The following OXNAD1 variants were observed in gnomAD, a reference collection of about 807,000 sequenced individuals.
OXNAD1 encodes the protein oxidoreductase NAD-binding domain-containing protein 1.
In OXNAD1, 34 loss-of-function variants were observed where a neutral mutation model predicts 32.9. The observed-to-expected ratio is 1.03, with a 90% CI of 0.79 to 1.38. The LOEUF is 1.38. Ranked by LOEUF, OXNAD1 falls within the 40% of genes most tolerant of loss-of-function variation. The pLI is 0.00. For synonymous variants in OXNAD1, 134 were observed against 135.2 expected, an observed-to-expected ratio of 0.99 and a Z score of 0.06; for missense variants, 407 against 379.4, an observed-to-expected ratio of 1.07 and a Z score of -0.60.
rs1028585658 is a variant in OXNAD1, at chr3:16,335,467, T to C, written c.*31-1645T>C. Among the ~76,000 whole-genome samples the C allele has an allele frequency of 6.6e-6, 1 of 152,238 alleles. No individual in the cohort carries two copies. Among genetic ancestry groups the C allele is most frequent in the African/African-American group, 2.4e-5 (1 of 41,462 alleles). ...ACGAATCACGTCCTTTGTGGGGACATGGATGGAGCTGGAAGCTGTTATCCT... is the reference window on the plus strand; with the variant it reads ...ACGAATCACGTCCTTTGTGGGGACACGGATGGAGCTGGAAGCTGTTATCCT... On this transcript the variant is annotated intron_variant, in intron 9 of 9. Coordinates refer to the OXNAD1 transcript ENST00000435829. The surrounding 1 kb of genome is among the most constrained non-coding windows in gnomAD (Gnocchi z 4.7).
At chr3:16,294,748 A>G in intron 5 of OXNAD1, 108 bp from the exon 6 acceptor site, 1 of 1,076,672 alleles carries the variant, frequency 9.3e-7, no homozygotes, top group South Asian at 1.9e-5. Context: ...TTTATTCTTG[A>G]TTTTAGTAAT....
chr3:16,276,692 A>G (rs1480018998), intron 4 of OXNAD1: 1 of 152,382 alleles, frequency 6.6e-6, no homozygotes, highest in Non-Finnish European at 1.5e-5. Flanking sequence ...GGGCCAGCAA[A>G]AGGTGCAAGG....
At chr3:16,278,244 C>T (rs2065487240) in intron 4 of OXNAD1, among the ~76,000 whole-genome samples, 1 of 152,192 alleles carries the variant, frequency 6.6e-6, no homozygotes, top group African/African-American at 2.4e-5. Flanking sequence ...AGACTTTATG[C>T]ACCTAATTGA....
intron 4 of OXNAD1, chr3:16,275,173 C>T (rs953150207): frequency 1.2e-5 from 2 of 171,318 alleles, no homozygotes; most frequent in African/African-American, 4.7e-5. Context: ...CTTCAGTCTA[C>T]CTATAGTTTG....
intron 9 of OXNAD1, among the ~76,000 whole-genome samples, chr3:16,325,889 G>T (rs1401247368): frequency 6.6e-6 from 1 of 152,182 alleles, no homozygotes; most frequent in African/African-American, 2.4e-5. Flanking sequence ...AGTAGGGCTT[G>T]GGGAAGGTGG....
In OXNAD1 at chr3:16,317,222, C is replaced by T. The variant is rs142008016; in HGVS notation, c.*30+13630C>T. 24 of 1,612,140 alleles carry T rather than the reference C, an allele frequency of 1.5e-5. No homozygotes were observed. Among genetic ancestry groups the T allele is most frequent in the Non-Finnish European group, 1.7e-5 (20 of 1,179,958 alleles). The stretch of plus-strand genomic sequence containing the variant: ...GTTGTGCATTTCTTCTCTGGAGAAT[C>T]GCCACTGAAACTAGAAATCAGAAAG... On this transcript the variant is annotated intron_variant, in intron 9 of 9. Coordinates refer to the OXNAD1 transcript ENST00000435829. The surrounding 1 kb of genome is among the most constrained non-coding windows in gnomAD (Gnocchi z 4.3).
Position 16,348,561 on chromosome 3 carries a change from G to A in OXNAD1, c.*31-615G>A, listed in dbSNP as rs929014881. 2.0e-5 allele frequency among the ~76,000 whole-genome samples: 3 copies of A among 152,014 alleles called. No homozygotes were observed. The highest frequency in any genetic ancestry group is 7.2e-5 in the African/African-American group (3 of 41,380). On this transcript the variant is annotated intron_variant, in intron 9 of 9. Transcript: ENST00000606098. The surrounding 1 kb of genome is among the most constrained non-coding windows in gnomAD (Gnocchi z 6.3). ...CTCCCAGGGCACTTCTGGTCAGCAG[G>A]GCACAATTAGCCTTGAATGCCTTCC...
intron 5 of OXNAD1, among the ~76,000 whole-genome samples, chr3:16,292,261 G>A (rs1253692731): frequency 1.3e-5 from 2 of 149,234 alleles, no homozygotes; most frequent in South Asian, 2.1e-4. Flanking sequence ...GCACGATCTC[G>A]ATTCAGTGCT....
At chr3:16,300,795 C>G (rs1470776556) in intron 6 of OXNAD1, among the ~76,000 whole-genome samples, 1 of 152,216 alleles carries the variant, frequency 6.6e-6, no homozygotes, top group Non-Finnish European at 1.5e-5. Context: ...GGAGCCAGCT[C>G]TGGGAAACCA....
chr3:16,331,152 A>G (rs1177610185), intron 9 of OXNAD1, among the ~76,000 whole-genome samples: 1 of 152,224 alleles, frequency 6.6e-6, no homozygotes, highest in Non-Finnish European at 1.5e-5. Context: ...CACAGGACTG[A>G]GACCTTGCCT....
intron 1 of OXNAD1, among the ~76,000 whole-genome samples, chr3:16,266,221 G>A (rs527962328): frequency 6.6e-6 from 1 of 152,140 alleles, no homozygotes; most frequent in East Asian, 1.9e-4. Context: ...TAGATGTAAT[G>A]TTCCACTTTT....
In OXNAD1 at chr3:16,316,780, G is replaced by A; in HGVS notation, c.*30+13188G>A. 1 of 1,608,774 alleles carries A rather than the reference G, an allele frequency of 6.2e-7. No homozygotes were observed. Among genetic ancestry groups the A allele is most frequent in the Non-Finnish European group, 8.5e-7 (1 of 1,176,744 alleles). ...CCCCCAAACCAGCTGTTGGTAAGATGCCTTGGGTTTGGCAACTCACCTAGT... is the reference window on the plus strand; with the variant it reads ...CCCCCAAACCAGCTGTTGGTAAGATACCTTGGGTTTGGCAACTCACCTAGT... On this transcript the variant is annotated intron_variant, in intron 9 of 9. Coordinates refer to the OXNAD1 transcript ENST00000435829. This position sits in a 1 kb window ranked among gnomAD's most constrained non-coding sequence, Gnocchi z 4.5.
rs957600727 is a variant in OXNAD1, at chr3:16,284,900, C to T, written c.184-1442C>T. ...TTTGTTGCTGAATTGCTTTGAATTG[C>T]AAATGGCATTAGATGTAATCTTTGA... is the stretch of plus-strand genomic sequence containing the variant. On this transcript the variant is annotated intron_variant, in intron 4 of 8. Transcript: ENST00000285083. This position sits in a 1 kb window ranked among gnomAD's most constrained non-coding sequence, Gnocchi z 4.1. Among the ~76,000 whole-genome samples, 6 of 152,150 alleles carry T rather than the reference C, an allele frequency of 3.9e-5. No individual in the cohort carries two copies. The highest frequency in any genetic ancestry group is 7.3e-5 in the Non-Finnish European group (5 of 68,028).
In OXNAD1 at chr3:16,344,239, C is replaced by T. The variant is rs1369068359; in HGVS notation, c.*31-4937C>T. 6.6e-6 allele frequency among the ~76,000 whole-genome samples: 1 copy of T among 151,952 alleles called. No homozygotes were observed. Among genetic ancestry groups the T allele is most frequent in the Non-Finnish European group, 1.5e-5 (1 of 68,010 alleles). On this transcript the variant is annotated intron_variant, in intron 9 of 9. Coordinates refer to the OXNAD1 transcript ENST00000606098. This position sits in a 1 kb window ranked among gnomAD's most constrained non-coding sequence, Gnocchi z 4.4. ...ATTGGGCTGGTTTTTGTCCAACATTCATATACTAAGAAGTAACAGATTGGA... is the reference window on the plus strand; with the variant it reads ...ATTGGGCTGGTTTTTGTCCAACATTTATATACTAAGAAGTAACAGATTGGA...
intron 5 of OXNAD1, among the ~76,000 whole-genome samples, chr3:16,292,192 C>CT (rs34684511): frequency 0.069 from 9,293 of 134,496 alleles, 381 homozygotes; most frequent in Non-Finnish European, 0.096. Context: ...GTCTTCTTAA[C>CT]TTTTTTTTTT....
intron 9 of OXNAD1, among the ~76,000 whole-genome samples, chr3:16,324,887 G>A (rs941315283): frequency 6.6e-6 from 1 of 151,772 alleles, no homozygotes; most frequent in African/African-American, 2.4e-5. Context: ...TTAGTTTTCT[G>A]AGAAACCTCT....
rs1269117058 is a variant in OXNAD1, at chr3:16,345,876, G to A, written c.*31-3300G>A. On this transcript the variant is annotated intron_variant, in intron 9 of 9. Transcript: ENST00000606098. The surrounding 1 kb of genome is among the most constrained non-coding windows in gnomAD (Gnocchi z 5.2). ...TGTGTATGTGTATAATCTCCTACTGGTTCTGTTTTACTGGAGAACCCTAAT... is the reference window on the plus strand; with the variant it reads ...TGTGTATGTGTATAATCTCCTACTGATTCTGTTTTACTGGAGAACCCTAAT... 6.7e-6 allele frequency: 1 copy of A among 149,122 alleles called. No homozygotes were observed. The highest frequency in any genetic ancestry group is 1.5e-5 in the Non-Finnish European group (1 of 67,188). 9.2% of individuals were successfully genotyped at this position (149,122 alleles called of 1,614,324 possible).
At position 16,288,607 on chromosome 3, in the gene OXNAD1, G is replaced by A. The variant is rs1040233647; in HGVS notation, c.290+2159G>A. 6.6e-6 allele frequency among the ~76,000 whole-genome samples: 1 copy of A among 152,170 alleles called. No homozygotes were observed. The highest frequency in any genetic ancestry group is 1.5e-5 in the Non-Finnish European group (1 of 68,032). ...GTATTCTTACTGGGCCTTGCAGAGA[G>A]GGCTGGTTCCTGTAGCAATAAACCA... On this transcript the variant is annotated intron_variant, in intron 5 of 8. Transcript: ENST00000285083. This position sits in a 1 kb window ranked among gnomAD's most constrained non-coding sequence, Gnocchi z 5.1.
rs1559761340 is a variant in OXNAD1, at chr3:16,297,523, G to T, written c.432+2526G>T. On this transcript the variant is annotated intron_variant, in intron 6 of 8. Coordinates refer to ENST00000285083, the MANE Select transcript of OXNAD1 (RefSeq NM_138381.5). The surrounding 1 kb of genome is among the most constrained non-coding windows in gnomAD (Gnocchi z 4.3). Reference sequence around the variant, plus strand: ...AGTGTCTTAGAGAAATGAAGGCTATGTTTATATAAAAGCATAACATGAATA... The same window carrying T: ...AGTGTCTTAGAGAAATGAAGGCTATTTTTATATAAAAGCATAACATGAATA... Among the ~76,000 whole-genome samples, 1 of 152,140 alleles carries T rather than the reference G, an allele frequency of 6.6e-6. No homozygotes were observed. Among genetic ancestry groups the T allele is most frequent in the Non-Finnish European group, 1.5e-5 (1 of 68,026 alleles).
Sources: gnomAD v4.1 joint callset for allele counts (sites outside exome capture counted in the v4.1 genomes callset) on GRCh38, gnomAD v4.1.1 for gene constraint, Gnocchi (gnomAD v3.1) non-coding constraint, MANE v1.5 for transcripts, NCBI Gene and HGNC (gene_info 2026-07-23, HGNC 2026-07-21) for gene names.